Variants in RGS12 observed in about 807,000 individuals in gnomAD.
The protein encoded by RGS12 is regulator of G protein signaling 12, also known as regulator of G-protein signaling 12.
Under a neutral mutation model 120.1 loss-of-function variants are expected in RGS12, and 66 were observed. The observed-to-expected ratio is 0.55, with a 90% CI of 0.45 to 0.67. The LOEUF is 0.67. Ranked by LOEUF, RGS12 falls within the 30% of genes least tolerant of loss-of-function variation. The probability of loss-of-function intolerance (pLI) is 0.00; values close to 1 mark genes in which losing one functional copy is unlikely to be tolerated. For missense variants in RGS12, 1,859 were observed against 1,957.7 expected, an observed-to-expected ratio of 0.95 and a Z score of 0.95; for synonymous variants, 827 against 804.7, an observed-to-expected ratio of 1.03 and a Z score of -0.47.
chr4:3,324,441 C>A, intron 2 of RGS12: 1 of 247,898 alleles, frequency 4.0e-6, no homozygotes, highest in Non-Finnish European at 8.0e-6. Context: ...ACAGTCTCTG[C>A]TTCTTCTCTT....
chr4:3,294,688 T>A (rs1309955099), intron 1 of RGS12, among the ~76,000 whole-genome samples: 1 of 152,096 alleles, frequency 6.6e-6, no homozygotes, highest in African/African-American at 2.4e-5. Context: ...CTGGGTCTTT[T>A]TCTTAAAACT....
At chr4:3,368,592 CTGTG>C (rs771874634) in intron 3 of RGS12, among the ~76,000 whole-genome samples, 5 of 84,326 alleles carry the variant, frequency 5.9e-5, no homozygotes, top group East Asian at 7.4e-4. Context: ...GTGTGTGTGC[CTGTG>C]TGTGTGTGGG....
At position 3,427,602 on chromosome 4, in the gene RGS12, G is replaced by A. The variant is rs7687451; in HGVS notation, c.3332-488G>A. Among the ~76,000 whole-genome samples, 740 of 152,268 alleles carry A rather than the reference G, an allele frequency of 4.9e-3. 6 individuals are homozygous for A. The highest frequency in any genetic ancestry group is 0.017 in the African/African-American group (699 of 41,530). On this transcript the variant is annotated intron_variant, in intron 14 of 17. Transcript: ENST00000336727. Reference sequence around the variant, plus strand: ...AATACAAAAATTAGCTGGGTGTGGTGGCACATGCCTGTAATCCCAGCTACA... The same window carrying A: ...AATACAAAAATTAGCTGGGTGTGGTAGCACATGCCTGTAATCCCAGCTACA...
At chr4:3,382,063 G>A (rs1420711899) in intron 3 of RGS12, among the ~76,000 whole-genome samples, 2 of 152,276 alleles carry the variant, frequency 1.3e-5, no homozygotes, top group East Asian at 3.9e-4. Flanking sequence ...GTTCAAGGGC[G>A]GTTGACTGCT....
chr4:3,325,100 G>C (rs1482569811), intron 2 of RGS12, among the ~76,000 whole-genome samples: 1 of 152,112 alleles, frequency 6.6e-6, no homozygotes, highest in Non-Finnish European at 1.5e-5. Flanking sequence ...ATGAATTTTT[G>C]GTAGCTGGAG....
chr4:3,403,086 C>G (rs899951635), intron 4 of RGS12, among the ~76,000 whole-genome samples: 1 of 152,264 alleles, frequency 6.6e-6, no homozygotes, highest in Admixed American at 6.5e-5. Context: ...AGGAGCCGCT[C>G]TGCTCACTCG....
rs184144773 is a variant in RGS12 at position 3,380,532 on chromosome 4, C to A, written c.1999-5884C>A. 9.5e-4 allele frequency among the ~76,000 whole-genome samples: 144 copies of A among 152,348 alleles called. 1 individual carries two copies. Among genetic ancestry groups the A allele is most frequent in the Middle Eastern group, 6.8e-3 (2 of 294 alleles). ...GTTCTGCACGAGGGCCCCACCCCTGCAGCTAACTTCTACTTGGACATCCAG... is the reference window on the plus strand; with the variant it reads ...GTTCTGCACGAGGGCCCCACCCCTGAAGCTAACTTCTACTTGGACATCCAG... On this transcript the variant is annotated intron_variant, in intron 3 of 17. Coordinates refer to ENST00000336727, the MANE Select transcript of RGS12 (RefSeq NM_001394154.1).
chr4:3,428,837 A>G, intron 16 of RGS12, 126 bp downstream of exon 16: 1 of 816,118 alleles, frequency 1.2e-6, no homozygotes, highest in East Asian at 2.6e-5. Context: ...GGCCTGGAAG[A>G]CATGTTTCTC....
intron 3 of RGS12, among the ~76,000 whole-genome samples, chr4:3,376,546 A>T (rs1306550551): frequency 6.6e-6 from 1 of 152,242 alleles, no homozygotes; most frequent in Non-Finnish European, 1.5e-5. Context: ...ACAGGCATGC[A>T]CATGCACTGT....
intron 4 of RGS12, among the ~76,000 whole-genome samples, chr4:3,398,177 C>T (rs907155808): frequency 2.0e-5 from 3 of 152,070 alleles, no homozygotes; most frequent in Admixed American, 6.5e-5. Context: ...ATATAATTGA[C>T]CACTGGAAGT....
At position 3,420,634 on chromosome 4, in the gene RGS12, CT is replaced by C. The variant is rs756390310; in HGVS notation, c.2762-7del. 5.6e-6 allele frequency: 9 copies of C among 1,613,464 alleles called. No individual in the cohort carries two copies. Among genetic ancestry groups the C allele is most frequent in the African/African-American group, 1.3e-5 (1 of 75,070 alleles). ...ATTGACGTGAGTCACTGTGTTTCCC[CT>C]GTCAAGACGCCCTGCATGCCAATGG... On this transcript the variant is annotated splice_polypyrimidine_tract_variant and splice_region_variant and intron_variant, in intron 9 of 17. Coordinates refer to ENST00000336727, the MANE Select transcript of RGS12 (RefSeq NM_001394154.1).
chr4:3,329,605 G>A (rs181982491), intron 2 of RGS12, among the ~76,000 whole-genome samples: 333 of 142,720 alleles, frequency 2.3e-3, no homozygotes, highest in Middle Eastern at 0.011. Context: ...GGAACAGTGC[G>A]GCGCACCCGA....
chr4:3,342,742 GT>G (rs112112932), intron 2 of RGS12, among the ~76,000 whole-genome samples, 194 bp from the exon 3 acceptor site: 2 of 149,700 alleles, frequency 1.3e-5, no homozygotes, highest in East Asian at 1.9e-4. Flanking sequence ...TGGGATGACT[GT>G]TTTTTTTTCA....
intron 1 of RGS12, among the ~76,000 whole-genome samples, chr4:3,313,284 AAGAGAAAGCCG>A (rs1484716080): frequency 6.6e-6 from 1 of 152,182 alleles, no homozygotes; most frequent in Non-Finnish European, 1.5e-5. Flanking sequence ...TCCTGTTTGG[AAGAGAAAGCCG>A]AGAGGTGTTC....
chr4:3,435,503 T>C (rs1214377960), intron 17 of RGS12, among the ~76,000 whole-genome samples: 1 of 151,000 alleles, frequency 6.6e-6, no homozygotes, highest in Admixed American at 6.6e-5. Context: ...ATCTGCTAGG[T>C]GCCTCTCCAA....
At chr4:3,414,940 A>ATGTGAGGGGTGTG (rs1275672922) in intron 6 of RGS12, 96 bp downstream of exon 6, 58 of 713,932 alleles carry the variant, frequency 8.1e-5, no homozygotes, top group Non-Finnish European at 1.1e-4. Context: ...TGTGAGGGGC[A>ATGTGAGGGGTGTG]TGTGAGGGGT....
At chr4:3,294,510 C>T (rs544573305) in intron 1 of RGS12, among the ~76,000 whole-genome samples, 1 of 152,358 alleles carries the variant, frequency 6.6e-6, no homozygotes, top group African/African-American at 2.4e-5. Context: ...AAAGGTCCAT[C>T]GTGGCCAGTG....
rs1177603912 is a variant in RGS12, at chr4:3,341,907, G to A, written c.1882-1030G>A. ...GTGGGGCTGGGCCGTGACAATGGGTGGGGTAGGAAGGACTTTTCAGTTGAG... is the reference window on the plus strand; with the variant it reads ...GTGGGGCTGGGCCGTGACAATGGGTAGGGTAGGAAGGACTTTTCAGTTGAG... On this transcript the variant is annotated intron_variant, in intron 2 of 17. Coordinates refer to ENST00000336727, the MANE Select transcript of RGS12 (RefSeq NM_001394154.1). 2.7e-5 allele frequency among the ~76,000 whole-genome samples: 4 copies of A among 150,532 alleles called. No homozygotes were observed. The East Asian group carries it at 7.9e-4, about 30-fold the overall frequency.
intron 9 of RGS12, chr4:3,418,839 T>G (rs911851522): frequency 7.2e-5 from 11 of 151,908 alleles, no homozygotes; most frequent in Non-Finnish European, 1.6e-4. Flanking sequence ...AGACAGTCCA[T>G]CCACTCGTGC....
Sources: allele counts gnomAD v4.1 joint callset (sites outside exome capture counted in the v4.1 genomes callset), GRCh38; gene constraint gnomAD v4.1.1; transcripts MANE v1.5; gene names NCBI Gene and HGNC (gene_info 2026-07-23, HGNC 2026-07-21).